The following CNTNAP2 variants were observed in gnomAD, a reference collection of about 807,000 sequenced individuals.
CNTNAP2 encodes contactin associated protein 2, also known as contactin-associated protein-like 2.
Under a neutral mutation model 155.2 loss-of-function variants are expected in CNTNAP2, and 98 were observed. The observed-to-expected ratio is 0.63, with a 90% CI of 0.54 to 0.75. The LOEUF (loss-of-function observed/expected upper bound fraction) is 0.75. Among genes scored for constraint, CNTNAP2 ranks in the 30% least tolerant of loss-of-function variants. The pLI is 0.00. For synonymous variants in CNTNAP2, 651 were observed against 631.2 expected (o/e 1.03, Z -0.47); for missense variants, 1,727 against 1,688.1 (o/e 1.02, Z -0.40).
chr7:148,326,654 C>T (rs528942478), intron 21 of CNTNAP2, among the ~76,000 whole-genome samples: 7 of 152,038 alleles, frequency 4.6e-5, no homozygotes, highest in South Asian at 2.1e-4. Flanking sequence ...ATCATGAGGT[C>T]AGGAGATCGA....
intron 1 of CNTNAP2, among the ~76,000 whole-genome samples, chr7:146,582,432 A>G (rs1798625548): frequency 2.0e-5 from 3 of 152,160 alleles, no homozygotes; most frequent in Admixed American, 2.0e-4. Flanking sequence ...CCAAAGACAT[A>G]GGCTATCATC....
intron 15 of CNTNAP2, among the ~76,000 whole-genome samples, chr7:148,063,141 T>G (rs976759750): frequency 7.0e-6 from 1 of 143,728 alleles, no homozygotes; most frequent in South Asian, 2.1e-4. Context: ...CAGTTCATTA[T>G]TTTTTTCTTT....
At chr7:147,524,042 G>A (rs1479187504) in intron 11 of CNTNAP2, among the ~76,000 whole-genome samples, 2 of 152,168 alleles carry the variant, frequency 1.3e-5, no homozygotes, top group South Asian at 2.1e-4. Flanking sequence ...ACTTCGGAAT[G>A]TGTGAAATAG....
intron 12 of CNTNAP2, among the ~76,000 whole-genome samples, chr7:147,600,634 G>A (rs184448698): frequency 1.2e-4 from 19 of 152,264 alleles, no homozygotes; most frequent in Non-Finnish European, 2.8e-4. Flanking sequence ...GCCAAGTCTT[G>A]TTCCCTCTCT....
intron 2 of CNTNAP2, among the ~76,000 whole-genome samples, chr7:146,779,282 C>A (rs1802441640): frequency 6.6e-6 from 1 of 152,040 alleles, no homozygotes; most frequent in African/African-American, 2.4e-5. Context: ...AAGAAAAACA[C>A]AAACAAAAAC....
At chr7:146,362,985 A>G (rs1036466888) in intron 1 of CNTNAP2, among the ~76,000 whole-genome samples, 30 of 151,956 alleles carry the variant, frequency 2.0e-4, no homozygotes, top group African/African-American at 7.0e-4. Context: ...TGGCCAGGAT[A>G]GTGTCGATCT....
chr7:147,517,308 G>A (rs988981942), intron 11 of CNTNAP2, among the ~76,000 whole-genome samples: 2 of 152,082 alleles, frequency 1.3e-5, no homozygotes, highest in African/African-American at 4.8e-5. Context: ...TTAGGGTTAG[G>A]GTCTTATATG....
chr7:146,293,867 A>C (rs950033907), intron 1 of CNTNAP2, among the ~76,000 whole-genome samples: 1 of 152,220 alleles, frequency 6.6e-6, no homozygotes, highest in Non-Finnish European at 1.5e-5. Flanking sequence ...TCCATAATGT[A>C]AAAGTGGTTC....
At chr7:147,718,365 T>C (rs1219483146) in intron 13 of CNTNAP2, among the ~76,000 whole-genome samples, 1 of 152,136 alleles carries the variant, frequency 6.6e-6, no homozygotes, top group Admixed American at 6.6e-5. Context: ...TTAAGGGAAA[T>C]GATCAGTTTC....
intron 9 of CNTNAP2, among the ~76,000 whole-genome samples, chr7:147,302,050 G>C (rs1048510045): frequency 6.6e-6 from 1 of 152,188 alleles, no homozygotes; most frequent in Non-Finnish European, 1.5e-5. Context: ...TATTTGATGA[G>C]TAGACGAAAG....
intron 13 of CNTNAP2, among the ~76,000 whole-genome samples, chr7:147,790,565 T>G (rs1797804266): frequency 1.3e-5 from 2 of 152,242 alleles, no homozygotes; most frequent in African/African-American, 4.8e-5. Context: ...CTAATCATAT[T>G]ATTTCCATGT....
At chr7:148,224,363 C>T (rs986978514) in intron 19 of CNTNAP2, among the ~76,000 whole-genome samples, 2 of 152,078 alleles carry the variant, frequency 1.3e-5, no homozygotes, top group African/African-American at 4.8e-5. Flanking sequence ...GAGAGAGAAG[C>T]AGCTCAAGAA....
At chr7:147,750,994 C>G (rs1012461594) in intron 13 of CNTNAP2, among the ~76,000 whole-genome samples, 1 of 152,032 alleles carries the variant, frequency 6.6e-6, no homozygotes, top group East Asian at 1.9e-4. Flanking sequence ...GAGCCGAGAT[C>G]GCACCACTGC....
At chr7:146,533,455 A>G (rs1210682778) in intron 1 of CNTNAP2, among the ~76,000 whole-genome samples, 2 of 152,214 alleles carry the variant, frequency 1.3e-5, no homozygotes, top group Admixed American at 1.3e-4. Context: ...CTTTATTTTA[A>G]CATTAGTCAA....
intron 3 of CNTNAP2, among the ~76,000 whole-genome samples, chr7:147,022,776 G>A (rs1350791265): frequency 1.3e-5 from 2 of 151,948 alleles, no homozygotes; most frequent in Non-Finnish European, 2.9e-5. Flanking sequence ...TGTGGAATTT[G>A]CCAAAGTATT....
intron 13 of CNTNAP2, among the ~76,000 whole-genome samples, chr7:147,778,807 G>A (rs902934303): frequency 2.0e-5 from 3 of 152,072 alleles, no homozygotes; most frequent in Admixed American, 1.3e-4. Context: ...CACCGCGCCC[G>A]GCCTGGAAAG....
chr7:147,880,902 T>C (rs57293305), intron 13 of CNTNAP2, among the ~76,000 whole-genome samples: 1 of 90,426 alleles, frequency 1.1e-5, no homozygotes. Context: ...TGTTTCCAAG[T>C]AAGATAATCA....
chr7:147,135,275 T>C (rs2129285893), intron 8 of CNTNAP2, among the ~76,000 whole-genome samples: 1 of 151,922 alleles, frequency 6.6e-6, no homozygotes, highest in Admixed American at 6.6e-5. Context: ...TCAGTAGCCT[T>C]GAATTTACAG....
intron 15 of CNTNAP2, among the ~76,000 whole-genome samples, chr7:148,098,893 C>T (rs960219451): frequency 3.3e-5 from 5 of 152,098 alleles, no homozygotes; most frequent in Non-Finnish European, 7.4e-5. Context: ...AAAGTAGCAT[C>T]TGTTTCAGGT....
Sources: allele counts gnomAD v4.1 joint callset (sites outside exome capture counted in the v4.1 genomes callset), GRCh38; gene constraint gnomAD v4.1.1; transcripts MANE v1.5; gene names NCBI Gene and HGNC (gene_info 2026-07-23, HGNC 2026-07-21).